Variants in ABLIM2 observed in about 807,000 individuals in gnomAD.
ABLIM2 encodes the protein actin-binding LIM protein 2.
ABLIM2 carries 53 observed loss-of-function variants against 97.7 expected under a neutral mutation model. The observed-to-expected ratio is 0.54, with a 90% CI of 0.44 to 0.68. The LOEUF (loss-of-function observed/expected upper bound fraction) is 0.68. Among genes scored for constraint, ABLIM2 ranks in the 30% least tolerant of loss-of-function variants. The pLI is 0.00. For synonymous variants in ABLIM2, 361 were observed against 345.8 expected (o/e 1.04, Z -0.49); for missense variants, 835 against 867.2 (o/e 0.96, Z 0.47).
In ABLIM2 at chr4:8,029,759, C is replaced by T. The variant is rs764945816; in HGVS notation, c.1065G>A (p.Arg355=). The T allele has an allele frequency of 2.5e-5, 39 of 1,568,586 alleles. No homozygotes were observed. The highest frequency in any genetic ancestry group is 3.7e-5 in the Admixed American group (2 of 53,588). ...QSYGEGDQDD[R]SYKQCRTSSP... The stretch of plus-strand genomic sequence containing the variant: ...TGGAGGTCCGACACTGCTTGTAGGA[C>T]CGGTCATCCTGATCCCCCTGGGAGG... The change falls in exon 11 of 21, where the codon CGG becomes CGA. Residue 355 remains arginine, a synonymous_variant. Coordinates refer to ENST00000447017, the MANE Select transcript of ABLIM2 (RefSeq NM_001130083.2).
chr4:8,153,914 T>A (rs1324631285), intron 1 of ABLIM2, among the ~76,000 whole-genome samples: 1 of 152,148 alleles, frequency 6.6e-6, no homozygotes, highest in Non-Finnish European at 1.5e-5. Flanking sequence ...TGACATCCTA[T>A]ATGAAATACA....
At chr4:8,063,887 G>C (rs1264079587) in intron 6 of ABLIM2, among the ~76,000 whole-genome samples, 1 of 152,196 alleles carries the variant, frequency 6.6e-6, no homozygotes, top group Non-Finnish European at 1.5e-5. Context: ...ACTTGCTACA[G>C]CCCCAGTCCA....
chr4:7,980,941 A>ATTTTTTTTTTTTTTTTTTTTTTTTTTTTT lies in ABLIM2; in HGVS notation c.1824+2322_1824+2323insAAAAAAAAAAAAAAAAAAAAAAAAAAAAA, dbSNP rs1167615555. 4.5e-4 allele frequency among the ~76,000 whole-genome samples: 37 copies of ATTTTTTTTTTTTTTTTTTTTTTTTTTTTT among 82,978 alleles called. 7 individuals are homozygous for ATTTTTTTTTTTTTTTTTTTTTTTTTTTTT. The highest frequency in any genetic ancestry group is 1.1e-3 in the East Asian group (2 of 1,780). 54.4% of individuals were successfully genotyped at this position (82,978 alleles called of 152,430 possible). A position where few individuals can be genotyped will look rare whatever the true frequency, so the allele number is the denominator to read the frequency against. ...AGAACCATGGTCTCCACAACCCCTTATTTTTTTTTTTTTTTTTTTTGAGAT... is the reference window on the plus strand; with the variant it reads ...AGAACCATGGTCTCCACAACCCCTTATTTTTTTTTTTTTTTTTTTTTTTTTTTTTTTTTTTTTTTTTTTTTTTTTGAGAT... On this transcript the variant is annotated intron_variant, in intron 20 of 20. Transcript: ENST00000447017.
Position 7,966,719 on chromosome 4 carries a change from T to C in ABLIM2, c.*271A>G, listed in dbSNP as rs543283578. On this transcript the variant is annotated 3_prime_UTR_variant, in exon 21 of 21. Coordinates refer to ENST00000447017, the MANE Select transcript of ABLIM2 (RefSeq NM_001130083.2). ...GGGCTGCAGCCACCTGTGTGCTCCA[T>C]CTGATGCCCGACACAGCCACTCTAC... The C allele has an allele frequency of 1.1e-5, 5 of 443,818 alleles. No homozygotes were observed. Among genetic ancestry groups the C allele is most frequent in the African/African-American group, 9.8e-5 (5 of 51,210 alleles). The allele number at this position is 443,818 out of a possible 1,614,324, so 27.5% of individuals were successfully genotyped here. A position where few individuals can be genotyped will look rare whatever the true frequency, so the allele number is the denominator to read the frequency against.
chr4:7,982,403 C>A (rs1381202836), intron 20 of ABLIM2, among the ~76,000 whole-genome samples: 1 of 152,234 alleles, frequency 6.6e-6, no homozygotes, highest in Non-Finnish European at 1.5e-5. Context: ...CATGACAGGG[C>A]TCAGGAGATG....
intron 12 of ABLIM2, among the ~76,000 whole-genome samples, chr4:8,026,391 T>C (rs1431148793): frequency 6.6e-6 from 1 of 152,200 alleles, no homozygotes; most frequent in African/African-American, 2.4e-5. Context: ...TGTCCATCAA[T>C]GGCCAGGAAC....
chr4:8,090,992 GA>G (rs1827000727), intron 3 of ABLIM2, among the ~76,000 whole-genome samples: 1 of 151,750 alleles, frequency 6.6e-6, no homozygotes, highest in African/African-American at 2.4e-5. Flanking sequence ...GGTGAATACA[GA>G]AGATGGATTT....
At chr4:8,052,640 G>A (rs1056213783) in intron 8 of ABLIM2, among the ~76,000 whole-genome samples, 9 of 152,166 alleles carry the variant, frequency 5.9e-5, no homozygotes, top group Non-Finnish European at 8.8e-5. Flanking sequence ...GCCTGCCCCC[G>A]TGCAGGCCTC....
At chr4:8,060,781 G>T (rs1459721576) in intron 7 of ABLIM2, among the ~76,000 whole-genome samples, 186 bp downstream of exon 7, 1 of 152,136 alleles carries the variant, frequency 6.6e-6, no homozygotes, top group Non-Finnish European at 1.5e-5. Flanking sequence ...GACAGACAAG[G>T]CAGGCTGACG....
At position 8,029,715 on chromosome 4, in the gene ABLIM2, G is replaced by A. The variant is rs371380434; in HGVS notation, c.1109C>T (p.Ser370Leu). The A allele has an allele frequency of 3.2e-6, 5 of 1,553,606 alleles. No individual in the cohort carries two copies. The highest frequency in any genetic ancestry group is 2.6e-6 in the Non-Finnish European group (3 of 1,148,602). The part of the protein sequence containing the change: ...CRTSSPSSTG[S>L]VSLGRYTPTS... ...CGGAGTGTAGCGCCCGAGGCTAACC[G>A]ACCCAGTGGAGCTTGGGCTGGAGGT... Residue 370 changes from serine to leucine, a missense_variant, in exon 11 of 21, where the codon TCG becomes TTG. Ser to Leu is a moderately radical substitution (Grantham distance 145). Transcript: ENST00000447017.
At position 8,043,745 on chromosome 4, in the gene ABLIM2, C is replaced by A. The variant is rs1182840946; in HGVS notation, c.900+1419G>T. Among the ~76,000 whole-genome samples the A allele has an allele frequency of 1.3e-5, 2 of 152,212 alleles. No individual in the cohort carries two copies. The highest frequency in any genetic ancestry group is 1.3e-4 in the Admixed American group (2 of 15,288). Reference sequence around the variant, plus strand: ...TGTTCAAGCCCCCAGGAGGCTGACACAGATGATGGTAACAGTAACGGCAGC... The same window carrying A: ...TGTTCAAGCCCCCAGGAGGCTGACAAAGATGATGGTAACAGTAACGGCAGC... On this transcript the variant is annotated intron_variant, in intron 9 of 20. Coordinates refer to ENST00000447017, the MANE Select transcript of ABLIM2 (RefSeq NM_001130083.2). The surrounding 1 kb of genome is among the most constrained non-coding windows in gnomAD (Gnocchi z 4.8).
rs1381719713 is a variant in ABLIM2, at chr4:8,122,480, T to C, written c.11-15843A>G. 6.6e-6 allele frequency among the ~76,000 whole-genome samples: 1 copy of C among 152,210 alleles called. No individual in the cohort carries two copies. The highest frequency in any genetic ancestry group is 2.4e-5 in the African/African-American group (1 of 41,466). ...CCCTGGTGAGGGCTCCCTTCCTGGC[T>C]TGCAGACAGCCGCCTTCTTACTGTG... On this transcript the variant is annotated intron_variant, in intron 1 of 20. Coordinates refer to ENST00000447017, the MANE Select transcript of ABLIM2 (RefSeq NM_001130083.2). This position sits in a 1 kb window ranked among gnomAD's most constrained non-coding sequence, Gnocchi z 4.1.
chr4:8,141,201 C>T (rs73799605), intron 1 of ABLIM2, among the ~76,000 whole-genome samples: 3 of 152,036 alleles, frequency 2.0e-5, no homozygotes, highest in South Asian at 2.1e-4. Context: ...CCCCACCCCC[C>T]GGAGCCCTAA....
In ABLIM2 at chr4:8,123,906, A is replaced by G. The variant is rs1846637153; in HGVS notation, c.11-17269T>C. Among the ~76,000 whole-genome samples, 1 of 152,210 alleles carries G rather than the reference A, an allele frequency of 6.6e-6. No homozygotes were observed. Among genetic ancestry groups the G allele is most frequent in the Non-Finnish European group, 1.5e-5 (1 of 68,024 alleles). ...TGGAGACACGGTTCCTTTGGGTTCA[A>G]TGACAAAAATAACTTCATTTTGATG... On this transcript the variant is annotated intron_variant, in intron 1 of 20. Coordinates refer to ENST00000447017, the MANE Select transcript of ABLIM2 (RefSeq NM_001130083.2). This position sits in a 1 kb window ranked among gnomAD's most constrained non-coding sequence, Gnocchi z 6.2.
chr4:8,147,784 A>G lies in ABLIM2; in HGVS notation c.10+10896T>C, dbSNP rs2152954384. On this transcript the variant is annotated intron_variant, in intron 1 of 20. Transcript: ENST00000447017. This position sits in a 1 kb window ranked among gnomAD's most constrained non-coding sequence, Gnocchi z 5.3. Reference sequence around the variant, plus strand: ...CTGCTGGCCTCCAGAGCTGGGAGGAAATGCCTTCTCTTGCTTTAAGCCTCC... The same window carrying G: ...CTGCTGGCCTCCAGAGCTGGGAGGAGATGCCTTCTCTTGCTTTAAGCCTCC... Among the ~76,000 whole-genome samples the G allele has an allele frequency of 6.6e-6, 1 of 152,284 alleles. No individual in the cohort carries two copies. Among genetic ancestry groups the G allele is most frequent in the African/African-American group, 2.4e-5 (1 of 41,568 alleles).
chr4:7,967,056 G>C lies in ABLIM2; in HGVS notation c.1872C>G (p.Ile624Met). ...EEFQEVFGMS[I>M]EEFDRLALWK... ...AGAGGGCCAGGCGGTCAAACTCCTC[G>C]ATGCTCATCCCAAACACTTCCTGGA... Residue 624 changes from isoleucine (I) to methionine (M), a missense_variant, in exon 21 of 21, where the codon ATC becomes ATG. Ile to Met is a conservative substitution (Grantham distance 10). Transcript: ENST00000447017. The C allele has an allele frequency of 6.2e-7, 1 of 1,613,898 alleles. No individual in the cohort carries two copies.
intron 1 of ABLIM2, 141 bp from the exon 2 acceptor site, chr4:8,106,778 G>A: frequency 1.8e-6 from 2 of 1,082,752 alleles, no homozygotes; most frequent in South Asian, 3.3e-5. Context: ...GGGCATCGGG[G>A]TCGGTCTGTT....
intron 20 of ABLIM2, among the ~76,000 whole-genome samples, chr4:7,975,472 C>T (rs373631544): frequency 1.3e-5 from 2 of 152,196 alleles, no homozygotes; most frequent in South Asian, 2.1e-4. Context: ...CTACTATGTG[C>T]CGCGTGGCAC....
At chr4:8,066,782 A>C (rs942124874) in intron 6 of ABLIM2, 9 of 152,052 alleles carry the variant, frequency 5.9e-5, no homozygotes, top group African/African-American at 1.7e-4. Context: ...AGTGGGGGTG[A>C]GGTTTCCTCT....
Sources: gnomAD v4.1 joint callset for allele counts (sites outside exome capture counted in the v4.1 genomes callset) on GRCh38, gnomAD v4.1.1 for gene constraint, Gnocchi (gnomAD v3.1) non-coding constraint, MANE v1.5 for transcripts, NCBI Gene and HGNC (gene_info 2026-07-23, HGNC 2026-07-21) for gene names.